TBC1D5: variants seen among roughly 807,000 people sequenced by gnomAD.
TBC1D5 encodes TBC1 domain family member 5.
In TBC1D5, 75 loss-of-function variants were observed where a neutral mutation model predicts 100.3. That is an observed-to-expected ratio of 0.75 (90% CI 0.62 to 0.91). TBC1D5 has a LOEUF of 0.91. Ranked by LOEUF, TBC1D5 falls within the 40% of genes least tolerant of loss-of-function variation. TBC1D5 has a pLI of 0.00. For missense variants in TBC1D5, 910 were observed against 942.4 expected (o/e 0.97, Z 0.45); for synonymous variants, 323 against 325.6 (o/e 0.99, Z 0.09).
At chr3:17,457,780 T>A in intron 3 of TBC1D5, among the ~76,000 whole-genome samples, 1 of 152,194 alleles carries the variant, frequency 6.6e-6, no homozygotes, top group African/African-American at 2.4e-5. Context: ...TGTATGACAG[T>A]AAAGACTAAA....
chr3:17,270,021 T>C (rs902690542), intron 15 of TBC1D5, among the ~76,000 whole-genome samples: 5 of 152,192 alleles, frequency 3.3e-5, no homozygotes, highest in African/African-American at 4.8e-5. Context: ...AGTAATGCGA[T>C]TGCTGGGTTG....
intron 13 of TBC1D5, among the ~76,000 whole-genome samples, chr3:17,355,435 T>C (rs1438968402): frequency 2.0e-5 from 3 of 152,120 alleles, no homozygotes; most frequent in Non-Finnish European, 2.9e-5. Context: ...ACTGGGTGAA[T>C]TAGTATCTTG....
At chr3:17,705,364 T>A (rs2073968531) in intron 1 of TBC1D5, among the ~76,000 whole-genome samples, 2 of 106,468 alleles carry the variant, frequency 1.9e-5, no homozygotes, top group Admixed American at 9.2e-5. Context: ...CCCACCTCCC[T>A]CCCGGACGGG....
At chr3:17,455,418 GTA>G (rs1201975883) in intron 3 of TBC1D5, among the ~76,000 whole-genome samples, 6 of 145,132 alleles carry the variant, frequency 4.1e-5, no homozygotes, top group Non-Finnish European at 9.0e-5. Flanking sequence ...GTGTATATAT[GTA>G]TATATGTGTG....
At chr3:17,468,248 T>C (rs2095332112) in intron 3 of TBC1D5, among the ~76,000 whole-genome samples, 1 of 152,208 alleles carries the variant, frequency 6.6e-6, no homozygotes, top group Non-Finnish European at 1.5e-5. Flanking sequence ...CATCCCTCTT[T>C]ATGCCTGCTT....
At chr3:17,321,064 A>G (rs1180566563) in intron 13 of TBC1D5, among the ~76,000 whole-genome samples, 2 of 152,098 alleles carry the variant, frequency 1.3e-5, no homozygotes, top group African/African-American at 4.8e-5. Flanking sequence ...ATGCTTTCAT[A>G]GTTTTCTATA....
chr3:17,292,472 A>C (rs1378821892), intron 14 of TBC1D5, among the ~76,000 whole-genome samples: 1 of 152,232 alleles, frequency 6.6e-6, no homozygotes, highest in Non-Finnish European at 1.5e-5. Context: ...ACGTAACTCA[A>C]AATTTAAAAA....
intron 13 of TBC1D5, among the ~76,000 whole-genome samples, chr3:17,333,842 G>A (rs2087250728): frequency 6.6e-6 from 1 of 152,160 alleles, no homozygotes; most frequent in South Asian, 2.1e-4. Flanking sequence ...AGTTCAGTAA[G>A]CATGGTTATA....
chr3:17,368,677 T>C (rs1436992323), intron 13 of TBC1D5, among the ~76,000 whole-genome samples: 2 of 151,740 alleles, frequency 1.3e-5, no homozygotes, highest in African/African-American at 4.8e-5. Flanking sequence ...ATTTTACTTT[T>C]ATTTTTTATT....
chr3:17,600,199 CTA>C (rs761513209), intron 2 of TBC1D5, among the ~76,000 whole-genome samples: 30 of 143,792 alleles, frequency 2.1e-4, no homozygotes, highest in Non-Finnish European at 2.0e-4. Flanking sequence ...GTTGTGATCT[CTA>C]TGATTCATAT....
At chr3:17,331,287 G>A (rs191759441) in intron 13 of TBC1D5, among the ~76,000 whole-genome samples, 8 of 152,138 alleles carry the variant, frequency 5.3e-5, no homozygotes, top group South Asian at 2.1e-4. Flanking sequence ...GTGTCAACTC[G>A]TTCTTAATCT....
chr3:17,696,807 A>G (rs1003144472), intron 1 of TBC1D5, among the ~76,000 whole-genome samples: 1 of 152,258 alleles, frequency 6.6e-6, no homozygotes, highest in Non-Finnish European at 1.5e-5. Context: ...ACAGAAAAAA[A>G]GAATTTTAGA....
intron 15 of TBC1D5, among the ~76,000 whole-genome samples, chr3:17,265,017 T>C (rs2078707265): frequency 6.6e-6 from 1 of 152,174 alleles, no homozygotes; most frequent in African/African-American, 2.4e-5. Flanking sequence ...CAAAAACACA[T>C]AGAAAAAATA....
chr3:17,304,025 T>G (rs1277452451), intron 14 of TBC1D5, among the ~76,000 whole-genome samples: 1 of 152,080 alleles, frequency 6.6e-6, no homozygotes, highest in African/African-American at 2.4e-5. Flanking sequence ...CCTTGTTTCC[T>G]CCTTTATCAG....
intron 2 of TBC1D5, among the ~76,000 whole-genome samples, chr3:17,520,274 A>C (rs1007490109): frequency 6.6e-6 from 1 of 152,210 alleles, no homozygotes; most frequent in African/African-American, 2.4e-5. Flanking sequence ...CAAGTAAAAT[A>C]AATGTTCTGA....
At chr3:17,463,107 T>C (rs1206509085) in intron 3 of TBC1D5, among the ~76,000 whole-genome samples, 2 of 152,200 alleles carry the variant, frequency 1.3e-5, no homozygotes, top group Non-Finnish European at 2.9e-5. Context: ...CCTCCTTCCA[T>C]CATTATATCC....
chr3:17,629,310 A>T (rs1392534746), intron 1 of TBC1D5, among the ~76,000 whole-genome samples: 1 of 152,230 alleles, frequency 6.6e-6, no homozygotes, highest in African/African-American at 2.4e-5. Context: ...TCTTTGATTA[A>T]TGTAGTATAA....
chr3:17,699,471 C>A (rs2072778495), intron 1 of TBC1D5, among the ~76,000 whole-genome samples: 2 of 141,864 alleles, frequency 1.4e-5, no homozygotes, highest in African/African-American at 5.1e-5. Context: ...TGCAGCGCAC[C>A]AGCATGGCAC....
rs367845127 is a variant in TBC1D5 at position 17,635,837 on chromosome 3, GT to G, written c.-100-11925del. Among the ~76,000 whole-genome samples the G allele has an allele frequency of 1.0e-3, 153 of 152,270 alleles. 2 individuals are homozygous for G. The South Asian group carries it at 0.018, about 18-fold the overall frequency. On this transcript the variant is annotated intron_variant, in intron 1 of 21. Transcript: ENST00000253692. The stretch of plus-strand genomic sequence containing the variant: ...ACCAAGTATAAACAATTCCTCAGAA[GT>G]TTTACTGCCAAAATGAACAAAGAAA...
Sources: allele counts gnomAD v4.1 joint callset (sites outside exome capture counted in the v4.1 genomes callset), GRCh38; gene constraint gnomAD v4.1.1; transcripts MANE v1.5; gene names NCBI Gene and HGNC (gene_info 2026-07-23, HGNC 2026-07-21).